EYS: variants seen among roughly 807,000 people sequenced by gnomAD.
EYS encodes the protein EGF-like photoreceptor maintenance factor.
EYS carries 250 observed loss-of-function variants against 282.1 expected under a neutral mutation model. The observed-to-expected ratio is 0.89, with a 90% confidence interval of 0.80 to 0.98. The LOEUF is 0.98. Ranked by LOEUF, EYS falls within the 50% of genes least tolerant of loss-of-function variation. The pLI is 0.00. For synonymous variants in EYS, 1,355 were observed against 1,282.9 expected (o/e 1.06, Z -1.20); for missense variants, 4,016 against 3,709.0 (o/e 1.08, Z -2.15).
At chr6:64,040,270 A>T (rs1161090317) in intron 33 of EYS, among the ~76,000 whole-genome samples, 1 of 152,210 alleles carries the variant, frequency 6.6e-6, no homozygotes. Flanking sequence ...ATGTGGTGAT[A>T]TATGGAAGAT....
At chr6:64,827,775 T>C (rs954869187) in intron 19 of EYS, among the ~76,000 whole-genome samples, 5 of 151,930 alleles carry the variant, frequency 3.3e-5, no homozygotes, top group Non-Finnish European at 5.9e-5. Context: ...CAATTTTAAC[T>C]ATCATGTAAA....
intron 12 of EYS, among the ~76,000 whole-genome samples, chr6:65,294,919 G>A (rs921936184): frequency 9.2e-5 from 14 of 151,660 alleles, no homozygotes; most frequent in African/African-American, 2.9e-4. Context: ...GAATTTTTGC[G>A]CTCAAATTTA....
intron 2 of EYS, among the ~76,000 whole-genome samples, chr6:65,602,998 G>T (rs1217247875): frequency 6.6e-6 from 1 of 151,918 alleles, no homozygotes; most frequent in Non-Finnish European, 1.5e-5. Context: ...GTAAGGGATG[G>T]TTTTGATTGG....
intron 2 of EYS, among the ~76,000 whole-genome samples, chr6:65,619,288 C>T (rs866206017): frequency 1.3e-5 from 2 of 151,262 alleles, no homozygotes; most frequent in Admixed American, 1.3e-4. Flanking sequence ...AAGTTGGATT[C>T]CTAGGTATTT....
At chr6:64,345,497 T>C (rs932592175) in intron 29 of EYS, among the ~76,000 whole-genome samples, 2 of 152,118 alleles carry the variant, frequency 1.3e-5, no homozygotes, top group African/African-American at 2.4e-5. Context: ...TGGCTAGCCA[T>C]ATGTAGAAAG....
intron 5 of EYS, among the ~76,000 whole-genome samples, chr6:65,418,156 T>C (rs1439073228): frequency 6.6e-6 from 1 of 152,066 alleles, no homozygotes; most frequent in Non-Finnish European, 1.5e-5. Context: ...GGGACTACGT[T>C]GTACATACCA....
intron 5 of EYS, among the ~76,000 whole-genome samples, chr6:65,468,432 C>T (rs76951548): frequency 1.5e-3 from 223 of 152,184 alleles, no homozygotes; most frequent in Admixed American, 3.9e-3. Context: ...GAGAAGTCTA[C>T]GGCCTGGGTG....
chr6:65,564,819 C>T (rs9453331), intron 2 of EYS, among the ~76,000 whole-genome samples: 81,920 of 151,684 alleles, frequency 0.54, 22,119 homozygotes, highest in East Asian at 0.7. Flanking sequence ...GCAAAAGAAA[C>T]GATCATCACA....
At chr6:64,674,237 T>G (rs9360022) in intron 22 of EYS, among the ~76,000 whole-genome samples, 3,158 of 152,206 alleles carry the variant, frequency 0.021, 76 homozygotes, top group East Asian at 0.11. Flanking sequence ...TGGAATGCTT[T>G]ACCTTTTTAG....
chr6:63,789,326 A>G (rs949107046), intron 37 of EYS, 102 bp from the exon 38 acceptor site: 62 of 1,128,186 alleles, frequency 5.5e-5, no homozygotes, highest in Non-Finnish European at 6.0e-5. Flanking sequence ...TCAGTATGGT[A>G]AGTTATAATA....
At chr6:65,384,120 T>C (rs1765715679) in intron 8 of EYS, among the ~76,000 whole-genome samples, 1 of 151,914 alleles carries the variant, frequency 6.6e-6, no homozygotes, top group South Asian at 2.1e-4. Context: ...GGGTTTTATA[T>C]ACTAAGAAGT....
At chr6:65,619,229 T>C (rs1257022118) in intron 2 of EYS, among the ~76,000 whole-genome samples, 2 of 151,688 alleles carry the variant, frequency 1.3e-5, no homozygotes, top group African/African-American at 2.4e-5. Context: ...TTTATTTCAT[T>C]GAGCAGTGGT....
intron 26 of EYS, among the ~76,000 whole-genome samples, chr6:64,498,872 G>T (rs1441722024): frequency 6.6e-6 from 1 of 152,090 alleles, no homozygotes; most frequent in Non-Finnish European, 1.5e-5. Flanking sequence ...TCATTAGTGG[G>T]CACTGGGTTG....
intron 35 of EYS, among the ~76,000 whole-genome samples, chr6:63,890,752 G>C (rs1169175563): frequency 6.6e-6 from 1 of 152,120 alleles, no homozygotes; most frequent in Non-Finnish European, 1.5e-5. Flanking sequence ...GATCAGAGCA[G>C]AACTTGAAGG....
At chr6:65,131,909 A>C (rs1775890151) in intron 12 of EYS, among the ~76,000 whole-genome samples, 1 of 152,006 alleles carries the variant, frequency 6.6e-6, no homozygotes. Flanking sequence ...CCACAGAAAT[A>C]AAAATAACTG....
intron 12 of EYS, among the ~76,000 whole-genome samples, chr6:65,128,475 A>G (rs1310545567): frequency 6.6e-6 from 1 of 152,086 alleles, no homozygotes; most frequent in South Asian, 2.1e-4. Flanking sequence ...CAACTTCAGT[A>G]AAGTTTCACA....
chr6:64,801,760 T>A, intron 22 of EYS, among the ~76,000 whole-genome samples: 1 of 152,082 alleles, frequency 6.6e-6, no homozygotes. Flanking sequence ...TTCTAATTAT[T>A]TCATAATCAC....
At chr6:64,348,087 C>A (rs1264321550) in intron 29 of EYS, among the ~76,000 whole-genome samples, 1 of 151,310 alleles carries the variant, frequency 6.6e-6, no homozygotes, top group Non-Finnish European at 1.5e-5. Context: ...AGTAGCCCAA[C>A]AAGACAATTC....
At chr6:64,033,169 G>A (rs971507589) in intron 33 of EYS, among the ~76,000 whole-genome samples, 3 of 152,184 alleles carry the variant, frequency 2.0e-5, no homozygotes, top group Non-Finnish European at 4.4e-5. Context: ...CTGAAGAAAT[G>A]TCTAGTCAAG....
Sources: gnomAD v4.1 joint callset for allele counts (sites outside exome capture counted in the v4.1 genomes callset) on GRCh38, gnomAD v4.1.1 for gene constraint, MANE v1.5 for transcripts, NCBI Gene and HGNC (gene_info 2026-07-23, HGNC 2026-07-21) for gene names.